Variants in CDYL2 observed in about 807,000 individuals in gnomAD.
The protein encoded by CDYL2 is chromodomain Y like 2.
CDYL2 carries 23 observed loss-of-function variants against 49.4 expected under a neutral mutation model. The observed-to-expected ratio is 0.47, with a 90% CI of 0.34 to 0.66. The LOEUF (loss-of-function observed/expected upper bound fraction) is 0.66, where lower values mean the gene tolerates loss of function less well. Among genes scored for constraint, CDYL2 ranks in the 30% least tolerant of loss-of-function variants. The probability of loss-of-function intolerance (pLI) is 0.01; values close to 1 mark genes in which losing one functional copy is unlikely to be tolerated. For missense variants in CDYL2, 678 were observed against 656.4 expected, an observed-to-expected ratio of 1.03 and a Z score of -0.36; for synonymous variants, 360 against 268.8, an observed-to-expected ratio of 1.34 and a Z score of -3.32.
chr16:80,639,743 G>A (rs564214810), intron 2 of CDYL2: 38 of 455,772 alleles, frequency 8.3e-5, no homozygotes, highest in Non-Finnish European at 1.2e-4. Context: ...AATCACAAAC[G>A]CCACCTCTCT....
intron 5 of CDYL2, among the ~76,000 whole-genome samples, chr16:80,611,446 G>C (rs1245055435): frequency 6.6e-5 from 10 of 152,184 alleles, no homozygotes; most frequent in Non-Finnish European, 1.5e-4. Flanking sequence ...GGCTGCCTGA[G>C]AGTCCACAGG....
At chr16:80,651,855 T>C (rs1254458829) in intron 2 of CDYL2, among the ~76,000 whole-genome samples, 3 of 152,228 alleles carry the variant, frequency 2.0e-5, no homozygotes, top group African/African-American at 4.8e-5. Context: ...TATACTTGTA[T>C]ACTGGAATTG....
chr16:80,698,697 C>G (rs889730289), intron 1 of CDYL2, among the ~76,000 whole-genome samples: 4 of 152,108 alleles, frequency 2.6e-5, no homozygotes, highest in African/African-American at 4.8e-5. Context: ...CTCCTCCTCT[C>G]TCTTACTTCT....
intron 1 of CDYL2, among the ~76,000 whole-genome samples, chr16:80,695,146 T>C (rs76856708): frequency 0.023 from 3,520 of 152,346 alleles, 57 homozygotes; most frequent in Non-Finnish European, 0.037. Flanking sequence ...GGAAGTAAAG[T>C]TTTATTGGTA....
chr16:80,746,371 A>T (rs1235767822), intron 1 of CDYL2, among the ~76,000 whole-genome samples: 1 of 152,172 alleles, frequency 6.6e-6, no homozygotes, highest in East Asian at 1.9e-4. Context: ...GGGAAGAAAA[A>T]GGCTTCTTTA....
At chr16:80,649,791 G>C (rs1908508252) in intron 2 of CDYL2, among the ~76,000 whole-genome samples, 3 of 152,102 alleles carry the variant, frequency 2.0e-5, no homozygotes, top group African/African-American at 7.2e-5. Flanking sequence ...GAACAGAATA[G>C]AGAACCCAGA....
At chr16:80,788,323 G>C (rs888988413) in intron 1 of CDYL2, among the ~76,000 whole-genome samples, 2 of 152,194 alleles carry the variant, frequency 1.3e-5, no homozygotes, top group Non-Finnish European at 2.9e-5. Context: ...GCTTAAAGTA[G>C]TATTGACAAA....
chr16:80,775,526 T>C (rs1029093677), intron 1 of CDYL2, among the ~76,000 whole-genome samples: 3 of 151,718 alleles, frequency 2.0e-5, no homozygotes, highest in Non-Finnish European at 4.4e-5. Flanking sequence ...TTGTAAAGGA[T>C]TTAAGAACAG....
chr16:80,618,315 C>T (rs777851262), intron 4 of CDYL2, among the ~76,000 whole-genome samples: 4 of 152,244 alleles, frequency 2.6e-5, no homozygotes, highest in Non-Finnish European at 5.9e-5. Context: ...TTTTCAATCC[C>T]ATCTGCCTCT....
At chr16:80,663,821 G>C (rs1313731469) in intron 2 of CDYL2, among the ~76,000 whole-genome samples, 1 of 152,164 alleles carries the variant, frequency 6.6e-6, no homozygotes, top group African/African-American at 2.4e-5. Flanking sequence ...TCGAATTCCT[G>C]AGCTCAGGCA....
chr16:80,647,363 T>C (rs1908396354), intron 2 of CDYL2, among the ~76,000 whole-genome samples: 1 of 152,012 alleles, frequency 6.6e-6, no homozygotes, highest in South Asian at 2.1e-4. Flanking sequence ...AAACAAAATT[T>C]ATATGGAACT....
chr16:80,792,597 A>C (rs1428280530), intron 1 of CDYL2, among the ~76,000 whole-genome samples: 1 of 152,156 alleles, frequency 6.6e-6, no homozygotes, highest in Non-Finnish European at 1.5e-5. Context: ...AAGTACAACC[A>C]AGGTGACAGG....
intron 2 of CDYL2, among the ~76,000 whole-genome samples, chr16:80,647,284 C>A (rs185905365): frequency 6.6e-6 from 1 of 152,108 alleles, no homozygotes; most frequent in East Asian, 1.9e-4. Context: ...CCAAACTACC[C>A]AAAGTAATCT....
At position 80,620,683 on chromosome 16, in the gene CDYL2, G is replaced by A. The variant is rs565325094; in HGVS notation, c.1007+80C>T. On this transcript the variant is annotated intron_variant, in intron 4 of 6. Transcript: ENST00000570137. ...TAAAATTCCTGGTTGTTTGAAATTC[G>A]AATTTAACTGAGCAGCCTGTATTTT... 65 of 1,326,872 alleles carry A rather than the reference G, an allele frequency of 4.9e-5. 2 individuals carry two copies. The South Asian group carries it at 6.4e-4, about 13-fold the overall frequency. 82.2% of individuals were successfully genotyped at this position (1,326,872 alleles called of 1,614,324 possible). A position where few individuals can be genotyped will look rare whatever the true frequency, so the allele number is the denominator to read the frequency against.
chr16:80,634,181 A>C (rs1907707767), intron 2 of CDYL2, among the ~76,000 whole-genome samples: 1 of 150,294 alleles, frequency 6.7e-6, no homozygotes, highest in African/African-American at 2.5e-5. Flanking sequence ...TCATGCTACT[A>C]TAAAGACATA....
chr16:80,667,462 T>C (rs759546299), intron 2 of CDYL2, among the ~76,000 whole-genome samples: 11 of 152,196 alleles, frequency 7.2e-5, no homozygotes, highest in Non-Finnish European at 1.0e-4. Flanking sequence ...ATTCCACTTA[T>C]GCATCACCTC....
intron 3 of CDYL2, among the ~76,000 whole-genome samples, chr16:80,627,366 G>A (rs557393737): frequency 6.6e-6 from 1 of 151,722 alleles, no homozygotes; most frequent in East Asian, 1.9e-4. Context: ...AGCTTCTCTG[G>A]CTAAGGCCAT....
chr16:80,712,215 A>ATATATATG (rs763194077), intron 1 of CDYL2, among the ~76,000 whole-genome samples: 13 of 128,374 alleles, frequency 1.0e-4, no homozygotes, highest in African/African-American at 1.6e-4. Flanking sequence ...ATATATATAT[A>ATATATATG]TCTCCAAACC....
intron 1 of CDYL2, among the ~76,000 whole-genome samples, chr16:80,704,126 T>A (rs1904328161): frequency 6.6e-6 from 1 of 152,218 alleles, no homozygotes; most frequent in African/African-American, 2.4e-5. Context: ...TGGTGCTTTC[T>A]GAAACCTCAT....
Sources: allele counts gnomAD v4.1 joint callset (sites outside exome capture counted in the v4.1 genomes callset), GRCh38; gene constraint gnomAD v4.1.1; transcripts MANE v1.5; gene names NCBI Gene and HGNC (gene_info 2026-07-23, HGNC 2026-07-21).